The following KIAA1217 variants were observed in gnomAD, a reference collection of about 807,000 sequenced individuals.
KIAA1217 encodes sickle tail protein homolog.
A neutral mutation model predicts 163.9 loss-of-function variants in KIAA1217; 88 were observed. That is an observed-to-expected ratio of 0.54 (90% CI 0.45 to 0.64). The LOEUF (loss-of-function observed/expected upper bound fraction) is 0.64, where lower values mean the gene tolerates loss of function less well. Among genes scored for constraint, KIAA1217 ranks in the 30% least tolerant of loss-of-function variants. The probability of loss-of-function intolerance (pLI) is 0.00; values close to 1 mark genes in which losing one functional copy is unlikely to be tolerated. For synonymous variants in KIAA1217, 903 were observed against 923.1 expected, an observed-to-expected ratio of 0.98 and a Z score of 0.39; for missense variants, 2,372 against 2,475.0, an observed-to-expected ratio of 0.96 and a Z score of 0.88.
chr10:23,843,529 A>G (rs1414450), intron 1 of KIAA1217, among the ~76,000 whole-genome samples: 16 of 152,180 alleles, frequency 1.1e-4, no homozygotes, highest in Admixed American at 9.8e-4. Flanking sequence ...GCTCTTTAAC[A>G]TCTTACCATT....
intron 2 of KIAA1217, among the ~76,000 whole-genome samples, chr10:24,089,674 T>G (rs1657516158): frequency 6.6e-6 from 1 of 151,896 alleles, no homozygotes; most frequent in Non-Finnish European, 1.5e-5. Flanking sequence ...TGGGTACCAG[T>G]ACCATGCTGT....
At chr10:24,113,030 T>G (rs1384223482) in intron 2 of KIAA1217, among the ~76,000 whole-genome samples, 1 of 151,976 alleles carries the variant, frequency 6.6e-6, no homozygotes, top group Non-Finnish European at 1.5e-5. Context: ...ACAGATTCTC[T>G]CTCCAGCCTC....
At chr10:24,394,239 C>T (rs2055395727) in intron 3 of KIAA1217, among the ~76,000 whole-genome samples, 1 of 152,212 alleles carries the variant, frequency 6.6e-6, no homozygotes, top group African/African-American at 2.4e-5. Flanking sequence ...TATTTTCAGC[C>T]TGCTGAGTTT....
At chr10:24,414,351 C>T (rs2058055096) in intron 3 of KIAA1217, among the ~76,000 whole-genome samples, 1 of 152,196 alleles carries the variant, frequency 6.6e-6, no homozygotes, top group Admixed American at 6.5e-5. Flanking sequence ...ACAGAATGCA[C>T]AGATGCTGGT....
intron 2 of KIAA1217, among the ~76,000 whole-genome samples, chr10:24,081,419 G>C (rs1278317150): frequency 6.6e-6 from 1 of 152,218 alleles, no homozygotes; most frequent in Non-Finnish European, 1.5e-5. Context: ...GGATGAGACA[G>C]GTGGGCACAG....
At chr10:24,251,489 G>T (rs914814392) in intron 2 of KIAA1217, among the ~76,000 whole-genome samples, 3 of 150,984 alleles carry the variant, frequency 2.0e-5, no homozygotes. Context: ...CTCCAGAAAG[G>T]CCTGCACAAT....
At chr10:23,945,628 C>G (rs1395680108) in intron 1 of KIAA1217, among the ~76,000 whole-genome samples, 2 of 152,130 alleles carry the variant, frequency 1.3e-5, no homozygotes, top group Non-Finnish European at 2.9e-5. Flanking sequence ...AAAAACTCAT[C>G]TCAGGGAACT....
intron 1 of KIAA1217, among the ~76,000 whole-genome samples, chr10:23,940,532 A>G (rs1286061714): frequency 6.6e-6 from 1 of 152,086 alleles, no homozygotes; most frequent in African/African-American, 2.4e-5. Context: ...AATCATTGAT[A>G]AAACAAGTAG....
At chr10:24,173,490 A>T (rs997764649) in intron 2 of KIAA1217, among the ~76,000 whole-genome samples, 2 of 152,202 alleles carry the variant, frequency 1.3e-5, no homozygotes, top group African/African-American at 4.8e-5. Flanking sequence ...TCTCCCATAA[A>T]GCTGATCTCT....
At chr10:24,512,636 A>C (rs1433047999) in intron 9 of KIAA1217, among the ~76,000 whole-genome samples, 1 of 152,198 alleles carries the variant, frequency 6.6e-6, no homozygotes, top group Admixed American at 6.5e-5. Flanking sequence ...GCCAACATTA[A>C]AGTCCTATGT....
intron 3 of KIAA1217, among the ~76,000 whole-genome samples, chr10:24,410,187 G>A (rs926236998): frequency 6.6e-6 from 1 of 151,612 alleles, no homozygotes; most frequent in Non-Finnish European, 1.5e-5. Flanking sequence ...GTAGAGACAG[G>A]GTTTCACCAT....
intron 2 of KIAA1217, among the ~76,000 whole-genome samples, chr10:24,061,465 A>G (rs971950427): frequency 6.6e-6 from 1 of 152,220 alleles, no homozygotes; most frequent in African/African-American, 2.4e-5. Context: ...ATTTGACTAT[A>G]TATTTACCTT....
intron 2 of KIAA1217, among the ~76,000 whole-genome samples, chr10:24,118,713 T>C (rs1358364703): frequency 1.3e-5 from 2 of 152,044 alleles, no homozygotes; most frequent in Non-Finnish European, 2.9e-5. Context: ...TTGCTTTTTT[T>C]TTTTTAAAGG....
chr10:24,322,559 T>C (rs569674879), intron 2 of KIAA1217, among the ~76,000 whole-genome samples: 1 of 152,326 alleles, frequency 6.6e-6, no homozygotes, highest in Admixed American at 6.5e-5. Context: ...TAAATGGTTG[T>C]GCACATGGGC....
At chr10:24,502,972 C>A (rs899697267) in intron 9 of KIAA1217, among the ~76,000 whole-genome samples, 1 of 152,068 alleles carries the variant, frequency 6.6e-6, no homozygotes, top group African/African-American at 2.4e-5. Context: ...GGCAATAGAC[C>A]AAGACTATGT....
chr10:24,141,496 T>A (rs147917508), intron 2 of KIAA1217, among the ~76,000 whole-genome samples: 1 of 152,188 alleles, frequency 6.6e-6, no homozygotes, highest in African/African-American at 2.4e-5. Flanking sequence ...TGCAGAGATA[T>A]TGCAGAAAAG....
chr10:24,030,006 C>G (rs973930951), intron 2 of KIAA1217, among the ~76,000 whole-genome samples: 1 of 152,122 alleles, frequency 6.6e-6, no homozygotes, highest in Non-Finnish European at 1.5e-5. Flanking sequence ...GAAAACACAG[C>G]TTGCATCTAG....
chr10:23,838,908 C>T (rs1264776300), intron 1 of KIAA1217, among the ~76,000 whole-genome samples: 1 of 152,138 alleles, frequency 6.6e-6, no homozygotes, highest in East Asian at 1.9e-4. Flanking sequence ...AATCTATTAT[C>T]TGCTGTTCTT....
chr10:23,715,001 A>G (rs1047697628), intron 1 of KIAA1217, among the ~76,000 whole-genome samples: 5 of 152,226 alleles, frequency 3.3e-5, no homozygotes, highest in African/African-American at 9.6e-5. Flanking sequence ...ATAGCCTATA[A>G]TTTGCCAAAG....
Sources: gnomAD v4.1 joint callset for allele counts (sites outside exome capture counted in the v4.1 genomes callset) on GRCh38, gnomAD v4.1.1 for gene constraint, MANE v1.5 for transcripts, NCBI Gene and HGNC (gene_info 2026-07-23, HGNC 2026-07-21) for gene names.